Variants in MYH8 observed in about 807,000 individuals in gnomAD.
MYH8 encodes myosin-8.
Under a neutral mutation model 233.2 loss-of-function variants are expected in MYH8, and 168 were observed. The observed-to-expected ratio is 0.72, with a 90% CI of 0.64 to 0.82. The LOEUF (loss-of-function observed/expected upper bound fraction) is 0.82, where lower values mean the gene tolerates loss of function less well. Ranked by LOEUF, MYH8 falls within the 40% of genes least tolerant of loss-of-function variation. MYH8 has a pLI of 0.00. For missense variants in MYH8, 1,995 were observed against 2,327.8 expected (o/e 0.86, Z 2.94); for synonymous variants, 785 against 850.6 (o/e 0.92, Z 1.34).
rs1467224230 is a variant in MYH8, at chr17:10,404,604, A to C, written c.2433-19T>G. The C allele has an allele frequency of 6.2e-7, 1 of 1,613,760 alleles. No homozygotes were observed. The highest frequency in any genetic ancestry group is 2.2e-5 in the East Asian group (1 of 44,878). On this transcript the variant is annotated intron_variant, in intron 21 of 39. Transcript: ENST00000403437. ...TGCTTCTCTGCGATGACATGAAAAT[A>C]TCAGTGTAGACTAATCCATCAGAGC...
chr17:10,413,797 C>T lies in MYH8; in HGVS notation c.1147+105G>A, dbSNP rs937728550. 1.4e-5 allele frequency: 22 copies of T among 1,538,052 alleles called. No individual in the cohort carries two copies. The African/African-American group carries it at 2.6e-4, about 18-fold the overall frequency. On this transcript the variant is annotated intron_variant, in intron 12 of 39. Coordinates refer to ENST00000403437, the MANE Select transcript of MYH8 (RefSeq NM_002472.3). ...CAGTGTGTGTAAATGTGTATATGCC[C>T]TTCACAAGTCGCAAGTCCAGCCACA...
intron 33 of MYH8, among the ~76,000 whole-genome samples, chr17:10,395,784 A>G (rs1305367541): frequency 1.3e-5 from 2 of 152,144 alleles, no homozygotes; most frequent in African/African-American, 4.8e-5. Context: ...AGAAACTATC[A>G]GTTTTAAAAT....
At chr17:10,399,155 T>C (rs1322922468) in intron 28 of MYH8, among the ~76,000 whole-genome samples, 1 of 152,092 alleles carries the variant, frequency 6.6e-6, no homozygotes, top group African/African-American at 2.4e-5. Flanking sequence ...TCTGAAATGC[T>C]GCAGTGAGCA....
In MYH8 at chr17:10,421,064, T is replaced by A. The variant is rs75508036; in HGVS notation, c.-31+599A>T. On this transcript the variant is annotated intron_variant, in intron 2 of 39. Coordinates refer to ENST00000403437, the MANE Select transcript of MYH8 (RefSeq NM_002472.3). ...ATGCATGTAAGCCATTGTCTTCTGA[T>A]TAATAGATAGGCCTCTGCAATGTGG... Among the ~76,000 whole-genome samples, 627 of 152,306 alleles carry A rather than the reference T, an allele frequency of 4.1e-3. 3 individuals carry two copies. Among genetic ancestry groups the A allele is most frequent in the Non-Finnish European group, 5.5e-3 (371 of 68,022 alleles).
Position 10,394,296 on chromosome 17 carries a change from G to C in MYH8, c.5119C>G (p.Gln1707Glu). The C allele has an allele frequency of 1.9e-6, 3 of 1,614,054 alleles. No individual in the cohort carries two copies. The highest frequency in any genetic ancestry group is 2.5e-6 in the Non-Finnish European group (3 of 1,179,992). ...CGCTCACTGGCATCCAGGAGCTCCT[G>C]TTCGGCGATTTTCCTGCTTCTCTCT... ...QTERSRKIAE[Q>E]ELLDASERVQ... The change falls in exon 35 of 40, where the codon CAG becomes GAG. Residue 1707 changes from glutamine (Q) to glutamate (E), a missense_variant. Gln to Glu is a conservative substitution (Grantham distance 29). This residue lies in a region of MYH8 where 1,498 missense variants were observed against 1,680.9 expected (regional missense o/e 0.89). Transcript: ENST00000403437.
chr17:10,411,639 C>T lies in MYH8; in HGVS notation c.1417-692G>A, dbSNP rs373697590. On this transcript the variant is annotated intron_variant, in intron 14 of 39. Transcript: ENST00000403437. ...CCACTCTCCAATTCAAAATAAAGTT[C>T]ACATTTTCACCTTTGGCTGTTACAT... Among the ~76,000 whole-genome samples, 20 of 152,286 alleles carry T rather than the reference C, an allele frequency of 1.3e-4. No individual in the cohort carries two copies. The East Asian group carries it at 3.3e-3, about 25-fold the overall frequency.
In MYH8 at chr17:10,412,370, A is replaced by G. The variant is rs752992124; in HGVS notation, c.1416T>C (p.Asp472=). The G allele has an allele frequency of 6.2e-7, 1 of 1,614,180 alleles. No homozygotes were observed. The highest frequency in any genetic ancestry group is 1.7e-5 in the Admixed American group (1 of 60,032). The change falls in exon 14 of 40, where the codon GAT becomes GAC. Residue 472 remains aspartate, a splice_region_variant and synonymous_variant. Coordinates refer to ENST00000403437, the MANE Select transcript of MYH8 (RefSeq NM_002472.3). ...VLDIAGFEIF[D]FNSLEQLCIN... Reference sequence around the variant, plus strand: ...CTTAATTCTTGTTAATATAACTCACATCAAAGATTTCAAAGCCAGCAATGT... The same window carrying G: ...CTTAATTCTTGTTAATATAACTCACGTCAAAGATTTCAAAGCCAGCAATGT...
intron 5 of MYH8, 121 bp downstream of exon 5, chr17:10,418,524 A>G: frequency 6.4e-7 from 1 of 1,574,730 alleles, no homozygotes; most frequent in Non-Finnish European, 8.7e-7. Context: ...TTTTTTGAAA[A>G]CAGTGAAGCC....
chr17:10,406,921 C>A lies in MYH8; in HGVS notation c.2024G>T (p.Cys675Phe). The A allele has an allele frequency of 4.3e-6, 7 of 1,614,074 alleles. No homozygotes were observed. Among genetic ancestry groups the A allele is most frequent in the Non-Finnish European group, 5.9e-6 (7 of 1,179,966 alleles). Residue 675 changes from cysteine (C) to phenylalanine (F), a missense_variant, in exon 18 of 40, where the codon TGT (cysteine) becomes TTT (phenylalanine). By Grantham distance (205) the Cys-to-Phe change is radical. Transcript: ENST00000403437. ...AGTTTTGGTTTCATTGGGAATGATA[C>A]ACCGTACGAAGTGAGGGTGTGTGCT... is the stretch of plus-strand genomic sequence containing the variant. Reference protein sequence around the residue: ...LRSTHPHFVRCIIPNETKTPG... With the variant: ...LRSTHPHFVRFIIPNETKTPG...
At position 10,412,583 on chromosome 17, in the gene MYH8, T is replaced by C. The variant is rs112631729; in HGVS notation, c.1266+27A>G. 3.8e-5 allele frequency: 61 copies of C among 1,614,052 alleles called. No individual in the cohort carries two copies. In the African/African-American group the frequency reaches 7.2e-4, roughly 19 times the overall value. Reference sequence around the variant, plus strand: ...ACATGCCATGAAGGCCTGAGATGTGTGTGATTCATTGAGGTCATGCACTTA... The same window carrying C: ...ACATGCCATGAAGGCCTGAGATGTGCGTGATTCATTGAGGTCATGCACTTA... On this transcript the variant is annotated intron_variant, in intron 13 of 39. Transcript: ENST00000403437.
Position 10,418,820 on chromosome 17 carries a change from T to A in MYH8, c.355-19A>T. ...AGTAGGTCTGGGAAGATCAGAACATTTATCATTTGGATCTCGTTTTTACTC... is the reference window on the plus strand; with the variant it reads ...AGTAGGTCTGGGAAGATCAGAACATATATCATTTGGATCTCGTTTTTACTC... On this transcript the variant is annotated intron_variant, in intron 4 of 39. Transcript: ENST00000403437. The A allele has an allele frequency of 6.2e-7, 1 of 1,613,828 alleles. No individual in the cohort carries two copies. Among genetic ancestry groups the A allele is most frequent in the African/African-American group, 1.3e-5 (1 of 74,986 alleles).
chr17:10,395,271 A>T lies in MYH8; in HGVS notation c.4824T>A (p.Ile1608=). ...ETMQSTLDAE[I]RSRNDALRVK... is the part of the protein sequence containing the mutation. ...CTCTCAGAGCATCATTTCTGCTTCTAATCTCTGCATCCAGCGTGCTCTGCA... is the reference window on the plus strand; with the variant it reads ...CTCTCAGAGCATCATTTCTGCTTCTTATCTCTGCATCCAGCGTGCTCTGCA... Residue 1608 remains isoleucine, a synonymous_variant, in exon 34 of 40, where the codon ATT becomes ATA. Coordinates refer to ENST00000403437, the MANE Select transcript of MYH8 (RefSeq NM_002472.3). The T allele has an allele frequency of 6.2e-7, 1 of 1,614,146 alleles. No individual in the cohort carries two copies. Among genetic ancestry groups the T allele is most frequent in the Non-Finnish European group, 8.5e-7 (1 of 1,180,028 alleles).
chr17:10,413,589 C>T (rs2072263287), intron 12 of MYH8, among the ~76,000 whole-genome samples: 1 of 152,148 alleles, frequency 6.6e-6, no homozygotes, highest in Non-Finnish European at 1.5e-5. Flanking sequence ...ATAGAGCAGT[C>T]TACAGTTATC....
intron 35 of MYH8, 68 bp downstream of exon 35, chr17:10,394,181 C>T (rs762244456): frequency 1.3e-4 from 208 of 1,595,382 alleles, no homozygotes; most frequent in Admixed American, 2.0e-4. Flanking sequence ...AAATTGAGTA[C>T]TTTCATGTTA....
Position 10,406,976 on chromosome 17 carries a change from T to C in MYH8, c.1969A>G (p.Asn657Asp). The C allele has an allele frequency of 6.2e-7, 1 of 1,613,460 alleles. No homozygotes were observed. The highest frequency in any genetic ancestry group is 8.5e-7 in the Non-Finnish European group (1 of 1,179,398). The change falls in exon 18 of 40, where the codon AAT (asparagine) becomes GAT (aspartate). Residue 657 changes from asparagine to aspartate, a missense_variant. By Grantham distance (23) the Asn-to-Asp change is conservative. This residue lies in a region of MYH8 where 1,498 missense variants were observed against 1,680.9 expected (regional missense o/e 0.89). Coordinates refer to ENST00000403437, the MANE Select transcript of MYH8 (RefSeq NM_002472.3). ...AGATTCGTCATCAATTTATTTAAAT[T>C]TTCCTAGAAAACCAGACAGAAAGGA... ...FQTVSALFRE[N>D]LNKLMTNLRS...
rs2072101253 is a variant in MYH8 at position 10,398,564 on chromosome 17, TCTTC to T, written c.4054_4057del (p.Glu1352SerfsTer55). ...CTGCAGCTCAGCTTTGCCTTCCTGC[TCTTC>T]CTCATACTGTTCCCGCAGCAGGTCG... On this transcript the variant is annotated frameshift_variant, in exon 30 of 40. Coordinates refer to ENST00000403437, the MANE Select transcript of MYH8 (RefSeq NM_002472.3). LOFTEE classifies it high-confidence loss of function. 9 of 1,614,078 alleles carry T rather than the reference TCTTC, an allele frequency of 5.6e-6. No individual in the cohort carries two copies. The highest frequency in any genetic ancestry group is 6.8e-6 in the Non-Finnish European group (8 of 1,180,034).
intron 22 of MYH8, among the ~76,000 whole-genome samples, chr17:10,403,607 A>G (rs561730714): frequency 1.9e-4 from 29 of 152,276 alleles, no homozygotes; most frequent in African/African-American, 6.3e-4. Flanking sequence ...GAAAAATGTA[A>G]CCTTCATATA....
Position 10,391,983 on chromosome 17 carries a change from A to C in MYH8, c.5569-6T>G. On this transcript the variant is annotated splice_region_variant and splice_polypyrimidine_tract_variant and intron_variant, in intron 38 of 39. Transcript: ENST00000403437. ...TTCTTGCGATCTTCTTCAGTCTGAA[A>C]GTTTGAAAAAAATAATCTGCATTCA... 6.2e-7 allele frequency: 1 copy of C among 1,612,296 alleles called. No individual in the cohort carries two copies. The highest frequency in any genetic ancestry group is 8.5e-7 in the Non-Finnish European group (1 of 1,178,340).
chr17:10,400,797 AC>A lies in MYH8; in HGVS notation c.3346-19del, dbSNP rs777897454. The A allele has an allele frequency of 6.2e-7, 1 of 1,614,038 alleles. No homozygotes were observed. The highest frequency in any genetic ancestry group is 8.5e-7 in the Non-Finnish European group (1 of 1,180,040). ...ATGCGGGCCTGGGAATGAAAGAAGC[AC>A]ATAAACATAAACTCATCTCAACTTC... On this transcript the variant is annotated intron_variant, in intron 26 of 39. Transcript: ENST00000403437. The surrounding 1 kb of genome is among the most constrained non-coding windows in gnomAD (Gnocchi z 4.0).
Sources: allele counts gnomAD v4.1 joint callset (sites outside exome capture counted in the v4.1 genomes callset), GRCh38; gene constraint gnomAD v4.1.1; regional missense constraint gnomAD v4.1.1; non-coding constraint Gnocchi (gnomAD v3.1); transcripts MANE v1.5; gene names NCBI Gene and HGNC (gene_info 2026-07-23, HGNC 2026-07-21).